The following EFNA3 variants were observed in gnomAD, a reference collection of about 807,000 sequenced individuals.
EFNA3 encodes ephrin-A3.
Under a neutral mutation model 25.0 loss-of-function variants are expected in EFNA3, and 15 were observed. The observed-to-expected ratio is 0.60, with a 90% CI of 0.40 to 0.92. The LOEUF is 0.92. Ranked by LOEUF, EFNA3 falls within the 40% of genes least tolerant of loss-of-function variation. EFNA3 has a pLI of 0.00. For missense variants in EFNA3, 298 were observed against 323.8 expected, an observed-to-expected ratio of 0.92 and a Z score of 0.61; for synonymous variants, 153 against 145.6, an observed-to-expected ratio of 1.05 and a Z score of -0.37.
Position 155,086,825 on chromosome 1 carries a change from C to G in EFNA3, c.*282C>G. 2.7e-6 allele frequency: 1 copy of G among 369,126 alleles called. No individual in the cohort carries two copies. Among genetic ancestry groups the G allele is most frequent in the Non-Finnish European group, 5.0e-6 (1 of 200,016 alleles). 22.9% of individuals were successfully genotyped at this position (369,126 alleles called of 1,614,324 possible). On this transcript the variant is annotated 3_prime_UTR_variant, in exon 5 of 5. Coordinates refer to ENST00000368408, the MANE Select transcript of EFNA3 (RefSeq NM_004952.5). The stretch of plus-strand genomic sequence containing the variant: ...GCCAAAAAGGGCAGTGCTCAGGACT[C>G]CCTGGCCCCTGGTACCTTTCCCTGA...
At position 155,086,464 on chromosome 1, in the gene EFNA3, G is replaced by C; in HGVS notation, c.638G>C (p.Ser213Thr). 6.2e-7 allele frequency: 1 copy of C among 1,614,120 alleles called. No homozygotes were observed. ...GTGCCCAAGCTTGAGAAGAGCATCA[G>C]CGGGACCAGCCCCAAACGGGAACAC... ...PQVPKLEKSI[S>T]GTSPKREHLP... is the part of the protein sequence containing the mutation. The change falls in exon 5 of 5, where the codon AGC becomes ACC. Residue 213 changes from serine (S) to threonine (T), a missense_variant. Coordinates refer to ENST00000368408, the MANE Select transcript of EFNA3 (RefSeq NM_004952.5).
Position 155,085,051 on chromosome 1 carries a change from T to C in EFNA3, c.129-40T>C. The C allele has an allele frequency of 6.2e-7, 1 of 1,605,240 alleles. No individual in the cohort carries two copies. Among genetic ancestry groups the C allele is most frequent in the Non-Finnish European group, 8.5e-7 (1 of 1,175,890 alleles). ...GGTCAGATGGAAAGCGGCTTTGCTC[T>C]GGGGTTTCTTCTCTCTGAGCCGCTT... On this transcript the variant is annotated intron_variant, in intron 1 of 4. Transcript: ENST00000368408. This position sits in a 1 kb window ranked among gnomAD's most constrained non-coding sequence, Gnocchi z 4.4.
chr1:155,079,080 G>T lies in EFNA3; in HGVS notation c.128+11G>T, dbSNP rs200300911. On this transcript the variant is annotated intron_variant, in intron 1 of 4. Transcript: ENST00000368408. The surrounding 1 kb of genome is among the most constrained non-coding windows in gnomAD (Gnocchi z 7.7). ...CAGCTCCAACCAGCAGTGAGTCGGGGACCCTGGGAGTCCGCGCGTCCCGTC... is the reference window on the plus strand; with the variant it reads ...CAGCTCCAACCAGCAGTGAGTCGGGTACCCTGGGAGTCCGCGCGTCCCGTC... The T allele has an allele frequency of 1.2e-5, 16 of 1,317,700 alleles. No individual in the cohort carries two copies. Among genetic ancestry groups the T allele is most frequent in the South Asian group, 6.6e-5 (3 of 45,518 alleles). The allele number at this position is 1,317,700 out of a possible 1,614,324, so 81.6% of individuals were successfully genotyped here. A position where few individuals can be genotyped will look rare whatever the true frequency, so the allele number is the denominator to read the frequency against.
Position 155,080,740 on chromosome 1 carries a change from C to A in EFNA3, c.128+1671C>A, listed in dbSNP as rs753364654. 3.3e-5 allele frequency among the ~76,000 whole-genome samples: 5 copies of A among 152,184 alleles called. No individual in the cohort carries two copies. Among genetic ancestry groups the A allele is most frequent in the Non-Finnish European group, 5.9e-5 (4 of 68,012 alleles). ...TGGGCGCAGGTGAAAGCTCAGGGAG[C>A]GGGTGGGGGAGCCCGGGTTCCGGGA... On this transcript the variant is annotated intron_variant, in intron 1 of 4. Transcript: ENST00000368408. The surrounding 1 kb of genome is among the most constrained non-coding windows in gnomAD (Gnocchi z 7.0).
At position 155,080,264 on chromosome 1, in the gene EFNA3, C is replaced by A. The variant is rs1453293669; in HGVS notation, c.128+1195C>A. Among the ~76,000 whole-genome samples the A allele has an allele frequency of 6.6e-6, 1 of 152,094 alleles. No individual in the cohort carries two copies. Among genetic ancestry groups the A allele is most frequent in the African/African-American group, 2.4e-5 (1 of 41,412 alleles). ...GACCGGGAGGGCCGGGCGGCCGCGA[C>A]CCCCAACCTCTCGGAGGAGGGGCTG... On this transcript the variant is annotated intron_variant, in intron 1 of 4. Transcript: ENST00000368408. The surrounding 1 kb of genome is among the most constrained non-coding windows in gnomAD (Gnocchi z 7.0).
In EFNA3 at chr1:155,081,283, T is replaced by C. The variant is rs1663338875; in HGVS notation, c.128+2214T>C. Among the ~76,000 whole-genome samples, 1 of 152,126 alleles carries C rather than the reference T, an allele frequency of 6.6e-6. No homozygotes were observed. Among genetic ancestry groups the C allele is most frequent in the African/African-American group, 2.4e-5 (1 of 41,424 alleles). Reference sequence around the variant, plus strand: ...CCCAATCTGGCCCAGAAACTAGGGATGGGGGGACTGTATTGGAGCGATGCA... The same window carrying C: ...CCCAATCTGGCCCAGAAACTAGGGACGGGGGGACTGTATTGGAGCGATGCA... On this transcript the variant is annotated intron_variant, in intron 1 of 4. Coordinates refer to ENST00000368408, the MANE Select transcript of EFNA3 (RefSeq NM_004952.5). This position sits in a 1 kb window ranked among gnomAD's most constrained non-coding sequence, Gnocchi z 5.2.
rs1446713641 is a variant in EFNA3 at position 155,085,083 on chromosome 1, C to A, written c.129-8C>A. On this transcript the variant is annotated splice_region_variant and splice_polypyrimidine_tract_variant and intron_variant, in intron 1 of 4. Transcript: ENST00000368408. This position sits in a 1 kb window ranked among gnomAD's most constrained non-coding sequence, Gnocchi z 4.4. ...TCTTCTCTCTGAGCCGCTTCCTCTT[C>A]CCCACAGCCTGCGGCGAGAGGGCTA... is the stretch of plus-strand genomic sequence containing the variant. The A allele has an allele frequency of 6.2e-7, 1 of 1,613,064 alleles. No individual in the cohort carries two copies. Among genetic ancestry groups the A allele is most frequent in the African/African-American group, 1.3e-5 (1 of 74,908 alleles).
rs1239744684 is a variant in EFNA3, at chr1:155,078,926, G to A, written c.-16G>A. The A allele has an allele frequency of 1.4e-6, 2 of 1,383,488 alleles. No homozygotes were observed. The highest frequency in any genetic ancestry group is 1.9e-6 in the Non-Finnish European group (2 of 1,069,934). The allele number at this position is 1,383,488 out of a possible 1,614,324, so 85.7% of individuals were successfully genotyped here. A position where few individuals can be genotyped will look rare whatever the true frequency, so the allele number is the denominator to read the frequency against. On this transcript the variant is annotated 5_prime_UTR_variant, in exon 1 of 5. Coordinates refer to ENST00000368408, the MANE Select transcript of EFNA3 (RefSeq NM_004952.5). ...CGGGGCTCAGTCGGGGGGCGGCGGC[G>A]GCGGCGGCTCCGGGGATGGCGGCGG...
In EFNA3 at chr1:155,078,876, C is replaced by G. The variant is rs1230947056; in HGVS notation, c.-66C>G. On this transcript the variant is annotated 5_prime_UTR_variant, in exon 1 of 5. Coordinates refer to ENST00000368408, the MANE Select transcript of EFNA3 (RefSeq NM_004952.5). ...GGCCGACGGCGGCGGCAGCAGGGAG[C>G]TGGGAAGCGGAGAAGCCGGGAGCGC... 5 of 1,326,008 alleles carry G rather than the reference C, an allele frequency of 3.8e-6. No homozygotes were observed. Among genetic ancestry groups the G allele is most frequent in the Non-Finnish European group, 4.8e-6 (5 of 1,039,902 alleles). The allele number at this position is 1,326,008 out of a possible 1,614,324, so 82.1% of individuals were successfully genotyped here.
In EFNA3 at chr1:155,079,101, C is replaced by G. The variant is rs1400846395; in HGVS notation, c.128+32C>G. On this transcript the variant is annotated intron_variant, in intron 1 of 4. Transcript: ENST00000368408. This position sits in a 1 kb window ranked among gnomAD's most constrained non-coding sequence, Gnocchi z 7.7. The stretch of plus-strand genomic sequence containing the variant: ...CGGGGACCCTGGGAGTCCGCGCGTC[C>G]CGTCTCAGTGAGAGGGGGAGCCGGT... 7.7e-7 allele frequency: 1 copy of G among 1,301,960 alleles called. No homozygotes were observed. Among genetic ancestry groups the G allele is most frequent in the Non-Finnish European group, 9.8e-7 (1 of 1,017,402 alleles). 80.7% of individuals were successfully genotyped at this position (1,301,960 alleles called of 1,614,324 possible). A position where few individuals can be genotyped will look rare whatever the true frequency, so the allele number is the denominator to read the frequency against.
In EFNA3 at chr1:155,085,046, T is replaced by TCTTC; in HGVS notation, c.129-45_129-44insCTTC. 1 of 1,594,968 alleles carries TCTTC rather than the reference T, an allele frequency of 6.3e-7. No homozygotes were observed. ...GGAGCGGTCAGATGGAAAGCGGCTT[T>TCTTC]GCTCTGGGGTTTCTTCTCTCTGAGC... On this transcript the variant is annotated intron_variant, in intron 1 of 4. Transcript: ENST00000368408. The surrounding 1 kb of genome is among the most constrained non-coding windows in gnomAD (Gnocchi z 4.4).
rs867240605 is a variant in EFNA3 at position 155,085,192 on chromosome 1, C to T, written c.230C>T (p.Pro77Leu). Residue 77 changes from proline (P) to leucine (L), a missense_variant, in exon 2 of 5, where the codon CCG becomes CTG. Coordinates refer to ENST00000368408, the MANE Select transcript of EFNA3 (RefSeq NM_004952.5). The surrounding 1 kb of genome is among the most constrained non-coding windows in gnomAD (Gnocchi z 4.4). ...TCGGGGGTGGGCCCCGGGGCGGGAC[C>T]GGGGCCCGGAGGCGGGGCAGAGCAG... ...NSSGVGPGAG[P>L]GPGGGAEQYV... 7.4e-6 allele frequency: 12 copies of T among 1,612,976 alleles called. No homozygotes were observed. Among genetic ancestry groups the T allele is most frequent in the Middle Eastern group, 3.3e-4 (2 of 6,040 alleles).
Position 155,086,671 on chromosome 1 carries a change from C to T in EFNA3, c.*128C>T. 1 of 1,224,154 alleles carries T rather than the reference C, an allele frequency of 8.2e-7. No homozygotes were observed. The highest frequency in any genetic ancestry group is 1.5e-5 in the South Asian group (1 of 68,460). 75.8% of individuals were successfully genotyped at this position (1,224,154 alleles called of 1,614,324 possible). A position where few individuals can be genotyped will look rare whatever the true frequency, so the allele number is the denominator to read the frequency against. On this transcript the variant is annotated 3_prime_UTR_variant, in exon 5 of 5. Coordinates refer to ENST00000368408, the MANE Select transcript of EFNA3 (RefSeq NM_004952.5). ...CCCATGGCTAGAAGTGGGGCCTGCA[C>T]CATACATCTGTGTCCGCCCCCTCTA...
intron 4 of EFNA3, 83 bp downstream of exon 4, chr1:155,086,288 C>A: frequency 6.3e-7 from 1 of 1,595,186 alleles, no homozygotes; most frequent in Non-Finnish European, 8.6e-7. Flanking sequence ...GCATGCCTTC[C>A]CTGGGGGCAC....
rs200463404 is a variant in EFNA3 at position 155,086,900 on chromosome 1, AG to A, written c.*358del. On this transcript the variant is annotated 3_prime_UTR_variant, in exon 5 of 5. Transcript: ENST00000368408. ...CCCCCAGAGAGACATATGCCCCCAG[AG>A]AGAGCAAATCGAAGCGTGGGAGGCA... The A allele has an allele frequency of 4.2e-3, 901 of 214,750 alleles. 16 individuals are homozygous for A. Among genetic ancestry groups the A allele is most frequent in the African/African-American group, 0.02 (861 of 43,128 alleles). 13.3% of individuals were successfully genotyped at this position (214,750 alleles called of 1,614,324 possible). A position where few individuals can be genotyped will look rare whatever the true frequency, so the allele number is the denominator to read the frequency against.
rs1663470731 is a variant in EFNA3, at chr1:155,086,625, T to C, written c.*82T>C. On this transcript the variant is annotated 3_prime_UTR_variant, in exon 5 of 5. Coordinates refer to ENST00000368408, the MANE Select transcript of EFNA3 (RefSeq NM_004952.5). ...GCCTTTGGCCTCTCCAAGGGAAGCCTAGTGGGCCTAGACCCCTCCTCCCAT... is the reference window on the plus strand; with the variant it reads ...GCCTTTGGCCTCTCCAAGGGAAGCCCAGTGGGCCTAGACCCCTCCTCCCAT... 2.6e-6 allele frequency: 4 copies of C among 1,549,722 alleles called. No individual in the cohort carries two copies. The highest frequency in any genetic ancestry group is 3.5e-6 in the Non-Finnish European group (4 of 1,144,506).
Position 155,079,880 on chromosome 1 carries a change from T to C in EFNA3, c.128+811T>C, listed in dbSNP as rs899889139. On this transcript the variant is annotated intron_variant, in intron 1 of 4. Coordinates refer to ENST00000368408, the MANE Select transcript of EFNA3 (RefSeq NM_004952.5). The surrounding 1 kb of genome is among the most constrained non-coding windows in gnomAD (Gnocchi z 7.7). Reference sequence around the variant, plus strand: ...GGGTCGGGGAAGGGGCTGCGGTCGCTGTCCGCGCGGCCAGCTGCGTCTGGG... The same window carrying C: ...GGGTCGGGGAAGGGGCTGCGGTCGCCGTCCGCGCGGCCAGCTGCGTCTGGG... 3.3e-5 allele frequency among the ~76,000 whole-genome samples: 5 copies of C among 151,750 alleles called. No individual in the cohort carries two copies. The highest frequency in any genetic ancestry group is 7.4e-5 in the Non-Finnish European group (5 of 67,902).
chr1:155,086,271 T>A, intron 4 of EFNA3, 66 bp downstream of exon 4: 1 of 1,596,160 alleles, frequency 6.3e-7, no homozygotes, highest in Non-Finnish European at 8.6e-7. Flanking sequence ...CGGTGCCTGC[T>A]CACCTCGCAT....
At chr1:155,082,175 C>G (rs1663354898) in intron 1 of EFNA3, among the ~76,000 whole-genome samples, 1 of 152,286 alleles carries the variant, frequency 6.6e-6, no homozygotes, top group African/African-American at 2.4e-5. Flanking sequence ...GACCCCACGC[C>G]GCGCACACGT....
Sources: gnomAD v4.1 joint callset for allele counts (sites outside exome capture counted in the v4.1 genomes callset) on GRCh38, gnomAD v4.1.1 for gene constraint, Gnocchi (gnomAD v3.1) non-coding constraint, MANE v1.5 for transcripts, NCBI Gene and HGNC (gene_info 2026-07-23, HGNC 2026-07-21) for gene names.